The following ARHGAP26 variants were observed in gnomAD, a reference collection of about 807,000 sequenced individuals.
The protein encoded by ARHGAP26 is Rho GTPase activating protein 26, also known as rho GTPase-activating protein 26.
In ARHGAP26, 38 loss-of-function variants were observed where a neutral mutation model predicts 104.8. The observed-to-expected ratio is 0.36, with a 90% confidence interval of 0.28 to 0.48. The LOEUF (loss-of-function observed/expected upper bound fraction) is 0.48. Ranked by LOEUF, ARHGAP26 falls within the 20% of genes least tolerant of loss-of-function variation. The pLI is 0.99. For missense variants in ARHGAP26, 704 were observed against 947.9 expected (o/e 0.74, Z 3.38); for synonymous variants, 341 against 340.0 (o/e 1.00, Z -0.03).
chr5:142,879,251 A>T, intron 3 of ARHGAP26, 123 bp from the exon 4 acceptor site: 3 of 859,224 alleles, frequency 3.5e-6, no homozygotes, highest in Non-Finnish European at 6.0e-6. Flanking sequence ...GTTGACATGT[A>T]CAACACTGCC....
chr5:143,048,050 T>C (rs58120046), intron 14 of ARHGAP26, among the ~76,000 whole-genome samples: 9,925 of 152,134 alleles, frequency 0.065, 1,117 homozygotes, highest in African/African-American at 0.23. Context: ...GGTTTCACCA[T>C]GTTGGCCAGG....
At chr5:142,833,507 A>G (rs1266751825) in intron 1 of ARHGAP26, among the ~76,000 whole-genome samples, 1 of 152,040 alleles carries the variant, frequency 6.6e-6, no homozygotes, top group Non-Finnish European at 1.5e-5. Flanking sequence ...GTTTTTTTTA[A>G]ACTATTTTAA....
intron 14 of ARHGAP26, among the ~76,000 whole-genome samples, chr5:143,046,105 G>C (rs904990450): frequency 1.3e-5 from 2 of 152,034 alleles, no homozygotes; most frequent in Admixed American, 6.6e-5. Context: ...TTGCACTCCA[G>C]CCTGGGCAAC....
chr5:143,090,172 C>A (rs949294546), intron 17 of ARHGAP26, among the ~76,000 whole-genome samples: 1 of 152,200 alleles, frequency 6.6e-6, no homozygotes, highest in Non-Finnish European at 1.5e-5. Flanking sequence ...TGCCGGACTT[C>A]GGGATATAGC....
At chr5:143,146,415 A>G (rs1426487191) in intron 19 of ARHGAP26, among the ~76,000 whole-genome samples, 3 of 152,334 alleles carry the variant, frequency 2.0e-5, no homozygotes, top group Admixed American at 1.3e-4. Flanking sequence ...TGTTCTCCCC[A>G]TTTTATAGAT....
At chr5:143,087,293 A>G (rs80278365) in intron 17 of ARHGAP26, among the ~76,000 whole-genome samples, 3,071 of 152,312 alleles carry the variant, frequency 0.02, 109 homozygotes, top group African/African-American at 0.071. Flanking sequence ...CTTGTGCTAT[A>G]AGAACTTGGT....
At chr5:142,913,963 A>G (rs1389627448) in intron 10 of ARHGAP26, among the ~76,000 whole-genome samples, 2 of 152,218 alleles carry the variant, frequency 1.3e-5, no homozygotes, top group African/African-American at 4.8e-5. Context: ...AATTTTTTCA[A>G]TGAAACCCAC....
intron 13 of ARHGAP26, among the ~76,000 whole-genome samples, chr5:143,041,006 A>G (rs537801876): frequency 3.0e-4 from 45 of 152,352 alleles, no homozygotes; most frequent in African/African-American, 1.1e-3. Context: ...CTACTGGTTG[A>G]AGAATGGACA....
intron 9 of ARHGAP26, chr5:142,908,638 G>A (rs1425894972): frequency 6.4e-6 from 1 of 155,846 alleles, no homozygotes; most frequent in Non-Finnish European, 1.5e-5. Flanking sequence ...TTATCTATTG[G>A]TTAAAATGGT....
chr5:142,824,452 C>T (rs1766815846), intron 1 of ARHGAP26, among the ~76,000 whole-genome samples: 1 of 152,202 alleles, frequency 6.6e-6, no homozygotes, highest in South Asian at 2.1e-4. Flanking sequence ...TGACATCCCA[C>T]AGGCAAGGCT....
rs557520337 is a variant in ARHGAP26, at chr5:142,871,500, G to C, written c.155-1900G>C. Among the ~76,000 whole-genome samples the C allele has an allele frequency of 6.6e-6, 1 of 152,360 alleles. No homozygotes were observed. Among genetic ancestry groups the C allele is most frequent in the East Asian group, 1.9e-4 (1 of 5,192 alleles). Reference sequence around the variant, plus strand: ...GCAAACCTGTGTTACTCTTAGTGCAGACTTTGTGCGTTCTCATCAGGGAAC... The same window carrying C: ...GCAAACCTGTGTTACTCTTAGTGCACACTTTGTGCGTTCTCATCAGGGAAC... On this transcript the variant is annotated intron_variant, in intron 1 of 22. Transcript: ENST00000645722. This position sits in a 1 kb window ranked among gnomAD's most constrained non-coding sequence, Gnocchi z 4.1.
intron 17 of ARHGAP26, among the ~76,000 whole-genome samples, chr5:143,090,989 G>A (rs1791340726): frequency 1.3e-5 from 2 of 152,300 alleles, no homozygotes; most frequent in Admixed American, 6.5e-5. Context: ...AACAAGACAA[G>A]CATTAAATGC....
intron 20 of ARHGAP26, among the ~76,000 whole-genome samples, chr5:143,190,813 C>T (rs1047482530): frequency 6.6e-6 from 1 of 152,170 alleles, no homozygotes; most frequent in Non-Finnish European, 1.5e-5. Flanking sequence ...TCTTACTACT[C>T]AATAAGAACA....
chr5:143,053,688 T>A (rs1785359376), intron 14 of ARHGAP26, among the ~76,000 whole-genome samples: 1 of 152,242 alleles, frequency 6.6e-6, no homozygotes, highest in African/African-American at 2.4e-5. Flanking sequence ...GCTGATATGG[T>A]GGTTCTCATT....
chr5:142,821,474 A>G (rs1351975296), intron 1 of ARHGAP26, among the ~76,000 whole-genome samples: 1 of 152,010 alleles, frequency 6.6e-6, no homozygotes, highest in Non-Finnish European at 1.5e-5. Context: ...GACTTCCATT[A>G]TAGTCTCAGA....
At chr5:142,791,941 CAAAA>C (rs11397426) in intron 1 of ARHGAP26, among the ~76,000 whole-genome samples, 1 of 65,148 alleles carries the variant, frequency 1.5e-5, no homozygotes, top group Non-Finnish European at 3.6e-5. Context: ...AAACCCGTCT[CAAAA>C]AAAAAAAAAA....
chr5:142,904,731 T>G (rs1392842685), intron 8 of ARHGAP26, among the ~76,000 whole-genome samples: 2 of 152,110 alleles, frequency 1.3e-5, no homozygotes, highest in African/African-American at 4.8e-5. Flanking sequence ...CGAAAGAAAG[T>G]GAATGTTTTT....
At chr5:142,884,993 C>G (rs1313070756) in intron 4 of ARHGAP26, among the ~76,000 whole-genome samples, 1 of 152,172 alleles carries the variant, frequency 6.6e-6, no homozygotes, top group African/African-American at 2.4e-5. Flanking sequence ...CCTTGAATAT[C>G]CTTGTGAGTT....
intron 11 of ARHGAP26, among the ~76,000 whole-genome samples, chr5:142,962,354 C>T (rs562727078): frequency 7.4e-4 from 113 of 152,266 alleles, no homozygotes; most frequent in African/African-American, 2.7e-3. Context: ...TCACTATGTA[C>T]TCTTTGGGTG....
Sources: gnomAD v4.1 joint callset for allele counts (sites outside exome capture counted in the v4.1 genomes callset) on GRCh38, gnomAD v4.1.1 for gene constraint, Gnocchi (gnomAD v3.1) non-coding constraint, MANE v1.5 for transcripts, NCBI Gene and HGNC (gene_info 2026-07-23, HGNC 2026-07-21) for gene names.